Variants in LMX1A observed in about 807,000 individuals in gnomAD.
LMX1A encodes the protein LIM homeobox transcription factor 1 alpha, also known as LIM homeobox transcription factor 1-alpha.
A neutral mutation model predicts 49.1 loss-of-function variants in LMX1A; 15 were observed. The observed-to-expected ratio is 0.31, with a 90% CI of 0.20 to 0.47. The LOEUF is 0.47. LMX1A is among the 20% of genes least tolerant of loss of function. The pLI is 1.00. For missense variants in LMX1A, 372 were observed against 475.8 expected (o/e 0.78, Z 2.03); for synonymous variants, 167 against 185.7 (o/e 0.90, Z 0.82).
intron 3 of LMX1A, among the ~76,000 whole-genome samples, chr1:165,346,330 T>C (rs1033215695): frequency 1.3e-5 from 2 of 152,242 alleles, no homozygotes; most frequent in Non-Finnish European, 2.9e-5. Context: ...AACTGGAATC[T>C]TGAAAGGCTG....
At chr1:165,300,640 G>C (rs530748626) in intron 3 of LMX1A, among the ~76,000 whole-genome samples, 1 of 152,252 alleles carries the variant, frequency 6.6e-6, no homozygotes, top group African/African-American at 2.4e-5. Flanking sequence ...TGCTTCTCTG[G>C]TCCCCATGAC....
At chr1:165,286,748 G>A (rs1338929625) in intron 3 of LMX1A, among the ~76,000 whole-genome samples, 6 of 149,726 alleles carry the variant, frequency 4.0e-5, no homozygotes, top group Non-Finnish European at 8.9e-5. Context: ...TATAGATTAT[G>A]TTTGACCAGG....
intron 3 of LMX1A, among the ~76,000 whole-genome samples, chr1:165,280,785 A>G (rs1230114815): frequency 6.6e-6 from 1 of 152,110 alleles, no homozygotes; most frequent in East Asian, 1.9e-4. Flanking sequence ...ACAGTACTGA[A>G]CTTTATTATT....
chr1:165,323,238 C>T (rs927802993), intron 3 of LMX1A, among the ~76,000 whole-genome samples: 4 of 152,144 alleles, frequency 2.6e-5, no homozygotes, highest in South Asian at 2.1e-4. Context: ...CTGCCCAGCC[C>T]ACTATACAGG....
At chr1:165,229,276 A>G (rs988126681) in intron 4 of LMX1A, among the ~76,000 whole-genome samples, 4 of 152,192 alleles carry the variant, frequency 2.6e-5, no homozygotes, top group African/African-American at 9.6e-5. Flanking sequence ...TAAGGTACCC[A>G]AGTCCTCTTA....
rs947276319 is a variant in LMX1A, at chr1:165,355,223, C to G, written c.76+261G>C. ...TATTTTTAATCACTTGCCACTCAGA[C>G]GCCTACGAACAAGCTCGCCCGCCCC... is the stretch of plus-strand genomic sequence containing the variant. On this transcript the variant is annotated intron_variant, in intron 2 of 8. Transcript: ENST00000342310. This position sits in a 1 kb window ranked among gnomAD's most constrained non-coding sequence, Gnocchi z 4.7. 2.0e-5 allele frequency among the ~76,000 whole-genome samples: 3 copies of G among 152,094 alleles called. No individual in the cohort carries two copies. Among genetic ancestry groups the G allele is most frequent in the Non-Finnish European group, 4.4e-5 (3 of 68,022 alleles).
At chr1:165,234,126 C>T (rs1173005991) in intron 4 of LMX1A, among the ~76,000 whole-genome samples, 3 of 152,182 alleles carry the variant, frequency 2.0e-5, no homozygotes, top group African/African-American at 7.2e-5. Context: ...AAATCCTTCA[C>T]ATTTTGGCGT....
At chr1:165,308,156 G>A (rs1416338112) in intron 3 of LMX1A, among the ~76,000 whole-genome samples, 1 of 152,212 alleles carries the variant, frequency 6.6e-6, no homozygotes, top group African/African-American at 2.4e-5. Flanking sequence ...GAGATACACT[G>A]ATGCTATCGT....
At chr1:165,234,226 C>T (rs538865001) in intron 4 of LMX1A, among the ~76,000 whole-genome samples, 1 of 152,306 alleles carries the variant, frequency 6.6e-6, no homozygotes, top group East Asian at 1.9e-4. Context: ...ACAACCCTAC[C>T]CTGCAACTCA....
intron 6 of LMX1A, among the ~76,000 whole-genome samples, chr1:165,210,112 A>G (rs1197503088): frequency 6.6e-6 from 1 of 152,262 alleles, no homozygotes; most frequent in East Asian, 1.9e-4. Context: ...CATATCATCC[A>G]CTAAAGATCA....
At position 165,224,099 on chromosome 1, in the gene LMX1A, G is replaced by A. The variant is rs115981482; in HGVS notation, c.497-10286C>T. 1.5e-3 allele frequency among the ~76,000 whole-genome samples: 222 copies of A among 152,302 alleles called. 1 individual carries two copies. Among genetic ancestry groups the A allele is most frequent in the African/African-American group, 5.1e-3 (210 of 41,562 alleles). On this transcript the variant is annotated intron_variant, in intron 4 of 8. Coordinates refer to ENST00000342310, the MANE Select transcript of LMX1A (RefSeq NM_177398.4). The stretch of plus-strand genomic sequence containing the variant: ...ACACCATCCCTCTTGGTGTTGTCAT[G>A]ATGATAGTGAGTCCTCATGAGATCA...
chr1:165,302,377 G>A (rs1294760148), intron 3 of LMX1A, among the ~76,000 whole-genome samples: 1 of 152,002 alleles, frequency 6.6e-6, no homozygotes, highest in Non-Finnish European at 1.5e-5. Flanking sequence ...CCAGGAGATG[G>A]AGGTTGCAGT....
chr1:165,350,401 C>G (rs889871111), intron 3 of LMX1A, among the ~76,000 whole-genome samples: 3 of 152,138 alleles, frequency 2.0e-5, no homozygotes, highest in Non-Finnish European at 2.9e-5. Flanking sequence ...AACACAGATG[C>G]AAAAAGTGTT....
chr1:165,245,711 C>T (rs1303954453), intron 4 of LMX1A, among the ~76,000 whole-genome samples: 6 of 151,844 alleles, frequency 4.0e-5, no homozygotes, highest in African/African-American at 1.5e-4. Context: ...CTTTTTGGCT[C>T]CTATTGGATT....
At chr1:165,304,146 C>A (rs1338035810) in intron 3 of LMX1A, among the ~76,000 whole-genome samples, 1 of 151,954 alleles carries the variant, frequency 6.6e-6, no homozygotes, top group South Asian at 2.1e-4. Context: ...ATAGGGTAAC[C>A]CTGGGAAAGT....
At chr1:165,239,604 G>A (rs1290130163) in intron 4 of LMX1A, among the ~76,000 whole-genome samples, 1 of 152,202 alleles carries the variant, frequency 6.6e-6, no homozygotes, top group Non-Finnish European at 1.5e-5. Context: ...GTGATACTGT[G>A]TAAGAGACAA....
chr1:165,304,252 G>A (rs1557878652), intron 3 of LMX1A, among the ~76,000 whole-genome samples: 1 of 152,150 alleles, frequency 6.6e-6, no homozygotes. Flanking sequence ...GTATGTGCCT[G>A]GCTTAGGGCA....
intron 7 of LMX1A, among the ~76,000 whole-genome samples, chr1:165,206,481 C>T (rs186765776): frequency 6.6e-6 from 1 of 152,132 alleles, no homozygotes; most frequent in African/African-American, 2.4e-5. Context: ...TCACTTCCTG[C>T]CTCCACATCT....
intron 3 of LMX1A, among the ~76,000 whole-genome samples, chr1:165,308,778 A>C (rs1654991916): frequency 6.6e-6 from 1 of 152,042 alleles, no homozygotes. Context: ...GGGCCTATTA[A>C]TTTAGAGACA....
Sources: gnomAD v4.1 joint callset for allele counts (sites outside exome capture counted in the v4.1 genomes callset) on GRCh38, gnomAD v4.1.1 for gene constraint, Gnocchi (gnomAD v3.1) non-coding constraint, MANE v1.5 for transcripts, NCBI Gene and HGNC (gene_info 2026-07-23, HGNC 2026-07-21) for gene names.